The following RERG variants were observed in gnomAD, a reference collection of about 807,000 sequenced individuals.
RERG encodes RAS like estrogen regulated growth inhibitor.
RERG carries 25 observed loss-of-function variants against 23.2 expected under a neutral mutation model. The observed-to-expected ratio is 1.08, with a 90% CI of 0.79 to 1.50. The LOEUF (loss-of-function observed/expected upper bound fraction) is 1.50, where lower values mean the gene tolerates loss of function less well. RERG is among the 40% of genes most tolerant of loss of function. The pLI is 0.00. For synonymous variants in RERG, 81 were observed against 89.1 expected (o/e 0.91, Z 0.51); for missense variants, 253 against 250.1 (o/e 1.01, Z -0.08).
At chr12:15,165,204 C>T (rs565476646) in intron 2 of RERG, among the ~76,000 whole-genome samples, 25 of 152,248 alleles carry the variant, frequency 1.6e-4, no homozygotes, top group African/African-American at 5.3e-4. Context: ...TGTCTTTGAG[C>T]GGCGACCACT....
At chr12:15,174,087 C>T (rs190318649) in intron 2 of RERG, among the ~76,000 whole-genome samples, 9 of 152,050 alleles carry the variant, frequency 5.9e-5, no homozygotes, top group African/African-American at 9.6e-5. Context: ...CCTTTTAATA[C>T]GTTTTGTAAG....
chr12:15,109,587 G>T (rs939415413), intron 4 of RERG, 70 bp from the exon 5 acceptor site: 2 of 1,216,832 alleles, frequency 1.6e-6, no homozygotes, highest in Non-Finnish European at 2.3e-6. Flanking sequence ...TGGTAATGCT[G>T]ACAGTAATGC....
intron 2 of RERG, among the ~76,000 whole-genome samples, chr12:15,198,007 T>C (rs1056323053): frequency 2.0e-5 from 3 of 152,154 alleles, no homozygotes; most frequent in Non-Finnish European, 2.9e-5. Context: ...CCAGGACTCA[T>C]ATAAAGCAAA....
intron 2 of RERG, among the ~76,000 whole-genome samples, chr12:15,215,313 G>A (rs1038348041): frequency 6.6e-6 from 1 of 152,186 alleles, no homozygotes; most frequent in Non-Finnish European, 1.5e-5. Flanking sequence ...AAGGACGCAA[G>A]AGGATGATAT....
chr12:15,169,573 C>T (rs1864748088), intron 2 of RERG, among the ~76,000 whole-genome samples: 1 of 152,154 alleles, frequency 6.6e-6, no homozygotes, highest in Non-Finnish European at 1.5e-5. Flanking sequence ...TTGCAGACAG[C>T]AGGTCTGCAA....
At chr12:15,161,206 G>GAAAGAAAGAAAGAAAGAAAGAA (rs1864607552) in intron 2 of RERG, among the ~76,000 whole-genome samples, 1 of 143,442 alleles carries the variant, frequency 7.0e-6, no homozygotes, top group Non-Finnish European at 1.5e-5. Context: ...AAGAAAGAAA[G>GAAAGAAAGAAAGAAAGAAAGAA]AAAGAAAGAA....
intron 2 of RERG, among the ~76,000 whole-genome samples, chr12:15,134,916 A>G (rs144769021): frequency 1.3e-5 from 2 of 152,100 alleles, no homozygotes; most frequent in African/African-American, 4.8e-5. Context: ...CAGCCTCCAT[A>G]TAAACTTTAG....
chr12:15,214,577 A>G (rs924297028), intron 2 of RERG, among the ~76,000 whole-genome samples: 12 of 152,244 alleles, frequency 7.9e-5, no homozygotes, highest in Admixed American at 7.9e-4. Flanking sequence ...AAGTCTCTGC[A>G]GTAGAAAGAT....
chr12:15,215,335 G>A lies in RERG; in HGVS notation c.61+2094C>T, dbSNP rs78833477. Reference sequence around the variant, plus strand: ...CAAGAGGATGATATATAGAACCCTGGAAGCTTCAACTTTGAGAAGTGCGCA... The same window carrying A: ...CAAGAGGATGATATATAGAACCCTGAAAGCTTCAACTTTGAGAAGTGCGCA... On this transcript the variant is annotated intron_variant, in intron 2 of 4. Coordinates refer to ENST00000256953, the MANE Select transcript of RERG (RefSeq NM_032918.3). 6.6e-3 allele frequency among the ~76,000 whole-genome samples: 998 copies of A among 152,290 alleles called. 7 individuals carry two copies. The highest frequency in any genetic ancestry group is 0.011 in the Non-Finnish European group (769 of 68,016).
chr12:15,165,836 A>G (rs568242857), intron 2 of RERG, among the ~76,000 whole-genome samples: 5 of 152,268 alleles, frequency 3.3e-5, no homozygotes, highest in African/African-American at 4.8e-5. Flanking sequence ...GAAACCTGCC[A>G]ATCCTAGGAT....
chr12:15,135,315 T>C (rs1036628797), intron 2 of RERG, among the ~76,000 whole-genome samples: 1 of 152,194 alleles, frequency 6.6e-6, no homozygotes, highest in Non-Finnish European at 1.5e-5. Context: ...TTTTTGTCTA[T>C]TCCTTTAAAA....
intron 2 of RERG, among the ~76,000 whole-genome samples, chr12:15,175,355 G>GTGTA: frequency 6.7e-6 from 1 of 149,048 alleles, no homozygotes; most frequent in Non-Finnish European, 1.5e-5. Flanking sequence ...GTGTGTGTGT[G>GTGTA]TGTGTGTGTG....
At chr12:15,154,055 C>T (rs1329378842) in intron 2 of RERG, among the ~76,000 whole-genome samples, 1 of 152,096 alleles carries the variant, frequency 6.6e-6, no homozygotes, top group East Asian at 1.9e-4. Context: ...ACAGATCCTC[C>T]CTTACAGACT....
At chr12:15,130,077 TAGA>T (rs1429708949) in intron 2 of RERG, among the ~76,000 whole-genome samples, 1 of 152,222 alleles carries the variant, frequency 6.6e-6, no homozygotes, top group East Asian at 1.9e-4. Context: ...AAACATAATG[TAGA>T]GAATTGCCAT....
chr12:15,210,348 A>G (rs1388593119), intron 2 of RERG, among the ~76,000 whole-genome samples: 2 of 152,260 alleles, frequency 1.3e-5, no homozygotes, highest in East Asian at 3.8e-4. Flanking sequence ...AGTTTAAAAT[A>G]AAGGACAATT....
rs34755371 is a variant in RERG at position 15,139,014 on chromosome 12, C to CTTTTTTT, written c.62-17902_62-17896dup. Among the ~76,000 whole-genome samples the CTTTTTTT allele has an allele frequency of 3.7e-3, 187 of 51,090 alleles. 9 individuals are homozygous for CTTTTTTT. Among genetic ancestry groups the CTTTTTTT allele is most frequent in the African/African-American group, 4.5e-3 (62 of 13,826 alleles). 33.5% of individuals were successfully genotyped at this position (51,090 alleles called of 152,430 possible). A position where few individuals can be genotyped will look rare whatever the true frequency, so the allele number is the denominator to read the frequency against. ...TGAAAGTTGTTCACCTGTGTCTAGA[C>CTTTTTTT]TTTTTTTTTTTTTTTTTTTTTTGCC... On this transcript the variant is annotated intron_variant, in intron 2 of 4. Transcript: ENST00000256953.
At chr12:15,116,972 C>T (rs1385468582) in intron 3 of RERG, among the ~76,000 whole-genome samples, 1 of 151,942 alleles carries the variant, frequency 6.6e-6, no homozygotes, top group Non-Finnish European at 1.5e-5. Flanking sequence ...ATATGAGTTT[C>T]AAAATGGAAT....
At chr12:15,155,999 AAAAT>A (rs201456332) in intron 2 of RERG, among the ~76,000 whole-genome samples, 26,286 of 146,474 alleles carry the variant, frequency 0.18, 2,522 homozygotes, top group Middle Eastern at 0.27. Flanking sequence ...GTATAATAAA[AAAAT>A]ATATATATAT....
At chr12:15,192,532 C>A (rs569891259) in intron 2 of RERG, among the ~76,000 whole-genome samples, 1 of 152,188 alleles carries the variant, frequency 6.6e-6, no homozygotes, top group African/African-American at 2.4e-5. Flanking sequence ...GAAAATAGCA[C>A]AGAACAGAGA....
Sources: allele counts gnomAD v4.1 joint callset (sites outside exome capture counted in the v4.1 genomes callset), GRCh38; gene constraint gnomAD v4.1.1; transcripts MANE v1.5; gene names NCBI Gene and HGNC (gene_info 2026-07-23, HGNC 2026-07-21).